The following CUBN variants were observed in gnomAD, a reference collection of about 807,000 sequenced individuals.
CUBN encodes 460 kDa receptor.
A neutral mutation model predicts 405.3 loss-of-function variants in CUBN; 282 were observed. The ratio of observed to expected loss-of-function variants is 0.70; its 90% CI spans 0.63 to 0.77. The LOEUF is 0.77. Ranked by LOEUF, CUBN falls within the 30% of genes least tolerant of loss-of-function variation. The pLI, the probability that CUBN is intolerant of heterozygous loss-of-function variation, is 0.00. For missense variants in CUBN, 4,514 were observed against 4,475.2 expected, an observed-to-expected ratio of 1.01 and a Z score of -0.25; for synonymous variants, 1,684 against 1,617.0, an observed-to-expected ratio of 1.04 and a Z score of -0.99.
intron 28 of CUBN, among the ~76,000 whole-genome samples, chr10:17,010,214 T>G (rs1292625191): frequency 6.6e-6 from 1 of 152,256 alleles, no homozygotes; most frequent in Non-Finnish European, 1.5e-5. Context: ...CTGACCTTTC[T>G]GTCTCTTTTC....
intron 62 of CUBN, among the ~76,000 whole-genome samples, chr10:16,836,832 T>C (rs1839184209): frequency 6.6e-6 from 1 of 152,134 alleles, no homozygotes; most frequent in Non-Finnish European, 1.5e-5. Flanking sequence ...TTGGTTCCAC[T>C]GTACATCCCC....
chr10:17,128,057 CA>C, intron 2 of CUBN, 133 bp from the exon 3 acceptor site: 1 of 618,478 alleles, frequency 1.6e-6, no homozygotes, highest in South Asian at 1.9e-5. Context: ...TTATAAAAAC[CA>C]AAACAACACC....
chr10:16,940,286 C>T (rs1363223304), intron 36 of CUBN, 49 bp from the exon 37 acceptor site: 2 of 1,510,904 alleles, frequency 1.3e-6, no homozygotes, highest in African/African-American at 1.4e-5. Flanking sequence ...AGAGAATAGA[C>T]TTTGGGATTC....
chr10:16,873,220 G>T (rs758291686), intron 58 of CUBN, among the ~76,000 whole-genome samples: 1 of 152,096 alleles, frequency 6.6e-6, no homozygotes, highest in Non-Finnish European at 1.5e-5. Flanking sequence ...CATGCCATAC[G>T]TATATCACTG....
At chr10:16,926,123 AG>A (rs1262221715) in intron 41 of CUBN, among the ~76,000 whole-genome samples, 1 of 152,174 alleles carries the variant, frequency 6.6e-6, no homozygotes, top group Non-Finnish European at 1.5e-5. Flanking sequence ...AGGAGGGAGA[AG>A]GGTACTTTAT....
intron 25 of CUBN, 91 bp from the exon 26 acceptor site, chr10:17,044,074 T>C (rs1835070454): frequency 1.6e-6 from 1 of 629,856 alleles, no homozygotes; most frequent in African/African-American, 1.9e-5. Flanking sequence ...AGAAAAAATA[T>C]ATATATTTAT....
intron 31 of CUBN, among the ~76,000 whole-genome samples, chr10:16,977,125 CT>C (rs959995758): frequency 6.6e-5 from 10 of 152,130 alleles, no homozygotes; most frequent in Non-Finnish European, 2.9e-5. Context: ...AAGTACATGA[CT>C]ATCTTTGATA....
At chr10:16,975,999 T>A (rs1418459466) in intron 31 of CUBN, among the ~76,000 whole-genome samples, 8 of 146,890 alleles carry the variant, frequency 5.4e-5, no homozygotes, top group Admixed American at 2.1e-4. Flanking sequence ...ACAGACAGGG[T>A]CTTGCTTGTT....
intron 38 of CUBN, among the ~76,000 whole-genome samples, chr10:16,938,547 C>G (rs1413195599): frequency 6.6e-6 from 1 of 152,064 alleles, no homozygotes; most frequent in African/African-American, 2.4e-5. Context: ...GATTGTGTTT[C>G]TGGAACTGAT....
At chr10:17,115,261 A>G (rs994267026) in intron 7 of CUBN, among the ~76,000 whole-genome samples, 14 of 151,700 alleles carry the variant, frequency 9.2e-5, no homozygotes, top group Admixed American at 6.6e-5. Context: ...AAAAAAAAAA[A>G]AAATCCTATT....
intron 5 of CUBN, 57 bp from the exon 6 acceptor site, chr10:17,122,955 GAACATT>G: frequency 8.6e-7 from 1 of 1,168,122 alleles, no homozygotes; most frequent in East Asian, 2.3e-5. Flanking sequence ...TATCTGGAGC[GAACATT>G]CACATGATAC....
chr10:17,082,159 T>A (rs1022103386), intron 17 of CUBN, among the ~76,000 whole-genome samples: 2 of 152,196 alleles, frequency 1.3e-5, no homozygotes, highest in African/African-American at 4.8e-5. Flanking sequence ...TTTTAACACT[T>A]CAAGCTTCTT....
intron 31 of CUBN, among the ~76,000 whole-genome samples, chr10:16,975,392 A>G (rs1478714574): frequency 1.3e-5 from 2 of 152,042 alleles, no homozygotes; most frequent in Non-Finnish European, 2.9e-5. Context: ...GTAGGTGGAA[A>G]ACCCTCCTCA....
intron 60 of CUBN, among the ~76,000 whole-genome samples, chr10:16,842,511 C>A (rs973715509): frequency 6.6e-6 from 1 of 151,014 alleles, no homozygotes; most frequent in Non-Finnish European, 1.5e-5. Flanking sequence ...ATCTCTGATT[C>A]CTCTCTCTCT....
intron 17 of CUBN, among the ~76,000 whole-genome samples, chr10:17,079,969 G>T (rs1202561324): frequency 6.6e-6 from 1 of 152,176 alleles, no homozygotes; most frequent in Non-Finnish European, 1.5e-5. Context: ...TAGAGGGAAG[G>T]ATGCAGGGGA....
At chr10:17,038,537 C>G (rs770868399) in intron 27 of CUBN, among the ~76,000 whole-genome samples, 19 of 152,144 alleles carry the variant, frequency 1.2e-4, no homozygotes, top group Non-Finnish European at 2.1e-4. Context: ...CTGACCAGCA[C>G]GTAATTAAGT....
At chr10:16,945,642 C>T (rs1217834496) in intron 36 of CUBN, among the ~76,000 whole-genome samples, 1 of 151,908 alleles carries the variant, frequency 6.6e-6, no homozygotes, top group Non-Finnish European at 1.5e-5. Flanking sequence ...GTGGCATGTG[C>T]CTGTAATCCT....
chr10:16,901,918 T>C (rs28401338), intron 51 of CUBN, among the ~76,000 whole-genome samples: 72,848 of 109,462 alleles, frequency 0.67, 24,277 homozygotes, highest in East Asian at 0.99. Flanking sequence ...TATATATATA[T>C]ACACACACAC....
At chr10:16,956,107 G>A (rs1843056458) in intron 31 of CUBN, among the ~76,000 whole-genome samples, 2 of 152,146 alleles carry the variant, frequency 1.3e-5, no homozygotes, top group African/African-American at 4.8e-5. Flanking sequence ...TCAGTGTTCT[G>A]TTTAGCACAC....
Sources: gnomAD v4.1 joint callset for allele counts (sites outside exome capture counted in the v4.1 genomes callset) on GRCh38, gnomAD v4.1.1 for gene constraint, MANE v1.5 for transcripts, NCBI Gene and HGNC (gene_info 2026-07-23, HGNC 2026-07-21) for gene names.